STUM: variants seen among roughly 807,000 people sequenced by gnomAD.
STUM encodes protein stum homolog.
STUM carries 8 observed loss-of-function variants against 15.3 expected under a neutral mutation model. That is an observed-to-expected ratio of 0.52 (90% CI 0.31 to 0.94). The LOEUF (loss-of-function observed/expected upper bound fraction) is 0.94, where lower values mean the gene tolerates loss of function less well. Ranked by LOEUF, STUM falls within the 40% of genes least tolerant of loss-of-function variation. STUM has a pLI of 0.05. For missense variants in STUM, 142 were observed against 204.9 expected (o/e 0.69, Z 1.87); for synonymous variants, 78 against 88.7 (o/e 0.88, Z 0.68).
intron 1 of STUM, among the ~76,000 whole-genome samples, chr1:226,566,820 G>T (rs967547674): frequency 1.7e-4 from 26 of 152,128 alleles, no homozygotes; most frequent in Admixed American, 3.9e-4. Flanking sequence ...TTATAAGTGG[G>T]TTTTGTTAAT....
intron 1 of STUM, among the ~76,000 whole-genome samples, chr1:226,593,901 G>T (rs932288231): frequency 2.0e-5 from 3 of 152,204 alleles, no homozygotes; most frequent in Non-Finnish European, 4.4e-5. Flanking sequence ...TCTCAGGTGG[G>T]ACCCCGCATT....
In STUM at chr1:226,563,649, A is replaced by G. The variant is rs542304672; in HGVS notation, c.202+14543A>G. On this transcript the variant is annotated intron_variant, in intron 1 of 3. Transcript: ENST00000366788. ...GAGCAGATCCCAATGCTGCAGAGCTATTTTGGAGAAGTCTTCATTTTCTTC... is the reference window on the plus strand; with the variant it reads ...GAGCAGATCCCAATGCTGCAGAGCTGTTTTGGAGAAGTCTTCATTTTCTTC... 6.6e-5 allele frequency among the ~76,000 whole-genome samples: 10 copies of G among 152,344 alleles called. No homozygotes were observed. The South Asian group carries it at 2.1e-3, about 32-fold the overall frequency.
At position 226,549,200 on chromosome 1, in the gene STUM, G is replaced by A; in HGVS notation, c.202+94G>A. The A allele has an allele frequency of 1.1e-5, 13 of 1,136,012 alleles. No individual in the cohort carries two copies. The highest frequency in any genetic ancestry group is 1.6e-5 in the Non-Finnish European group (13 of 810,164). 70.4% of individuals were successfully genotyped at this position (1,136,012 alleles called of 1,614,324 possible). On this transcript the variant is annotated intron_variant, in intron 1 of 3. Coordinates refer to ENST00000366788, the MANE Select transcript of STUM (RefSeq NM_001003665.4). This position sits in a 1 kb window ranked among gnomAD's most constrained non-coding sequence, Gnocchi z 6.8. ...GCGCGGCCGGAGACCTCCTGGCGGGGCCGCGCGCTCCAAGTGCTGCGACCA... is the reference window on the plus strand; with the variant it reads ...GCGCGGCCGGAGACCTCCTGGCGGGACCGCGCGCTCCAAGTGCTGCGACCA...
At chr1:226,561,502 G>C (rs1044548903) in intron 1 of STUM, among the ~76,000 whole-genome samples, 4 of 152,138 alleles carry the variant, frequency 2.6e-5, no homozygotes, top group African/African-American at 9.7e-5. Context: ...CGACCACTCA[G>C]GGAGGAACTG....
At position 226,605,702 on chromosome 1, in the gene STUM, C is replaced by T. The variant is rs1668345311; in HGVS notation, c.*3662C>T. 1 of 152,164 alleles carries T rather than the reference C, an allele frequency of 6.6e-6. No individual in the cohort carries two copies. Among genetic ancestry groups the T allele is most frequent in the South Asian group, 2.1e-4 (1 of 4,834 alleles). 9.4% of individuals were successfully genotyped at this position (152,164 alleles called of 1,614,324 possible). On this transcript the variant is annotated 3_prime_UTR_variant, in exon 4 of 4. Transcript: ENST00000366788. This position sits in a 1 kb window ranked among gnomAD's most constrained non-coding sequence, Gnocchi z 4.0. Reference sequence around the variant, plus strand: ...CTGTCATCACTTAGGGGGAGTTGGGCAAAACCTCCTAGGAAGGTCCTGGAC... The same window carrying T: ...CTGTCATCACTTAGGGGGAGTTGGGTAAAACCTCCTAGGAAGGTCCTGGAC...
chr1:226,561,902 G>C (rs923852039), intron 1 of STUM, among the ~76,000 whole-genome samples: 5 of 151,686 alleles, frequency 3.3e-5, no homozygotes, highest in African/African-American at 1.2e-4. Context: ...CTGAAAAATT[G>C]CTAGGTGAAA....
intron 1 of STUM, among the ~76,000 whole-genome samples, chr1:226,591,512 A>G (rs543714462): frequency 1.3e-5 from 2 of 152,196 alleles, no homozygotes; most frequent in African/African-American, 4.8e-5. Flanking sequence ...TTTGCTAAGG[A>G]TCATTCAGTT....
At chr1:226,588,410 A>G (rs1000870918) in intron 1 of STUM, among the ~76,000 whole-genome samples, 1 of 152,242 alleles carries the variant, frequency 6.6e-6, no homozygotes, top group African/African-American at 2.4e-5. Flanking sequence ...ATATGAGCAC[A>G]GGATATCCCA....
chr1:226,584,453 A>G (rs1186543234), intron 1 of STUM, among the ~76,000 whole-genome samples: 2 of 152,238 alleles, frequency 1.3e-5, no homozygotes, highest in African/African-American at 2.4e-5. Context: ...ATATGGGCCC[A>G]TCTCTTGATG....
At chr1:226,582,485 C>T (rs889916414) in intron 1 of STUM, among the ~76,000 whole-genome samples, 1 of 151,900 alleles carries the variant, frequency 6.6e-6, no homozygotes, top group African/African-American at 2.4e-5. Flanking sequence ...ATCCCAGCTA[C>T]TGGGGAGGCT....
At chr1:226,577,241 G>A (rs1330758788) in intron 1 of STUM, among the ~76,000 whole-genome samples, 1 of 152,192 alleles carries the variant, frequency 6.6e-6, no homozygotes, top group East Asian at 1.9e-4. Context: ...GCCAGTGCAG[G>A]GAAGAGAGTG....
chr1:226,559,881 G>T (rs1667509855), intron 1 of STUM, among the ~76,000 whole-genome samples: 1 of 152,142 alleles, frequency 6.6e-6, no homozygotes, highest in Admixed American at 6.6e-5. Flanking sequence ...GCTGAGGCAG[G>T]AGAATGGCGT....
chr1:226,551,444 C>G (rs1667375006), intron 1 of STUM, among the ~76,000 whole-genome samples: 2 of 152,160 alleles, frequency 1.3e-5, no homozygotes, highest in South Asian at 4.1e-4. Flanking sequence ...CAGTGGAGTC[C>G]CAGGCAACAA....
At position 226,565,093 on chromosome 1, in the gene STUM, G is replaced by A. The variant is rs1667601036; in HGVS notation, c.202+15987G>A. Among the ~76,000 whole-genome samples the A allele has an allele frequency of 6.6e-6, 1 of 152,230 alleles. No homozygotes were observed. Among genetic ancestry groups the A allele is most frequent in the Non-Finnish European group, 1.5e-5 (1 of 68,050 alleles). On this transcript the variant is annotated intron_variant, in intron 1 of 3. Transcript: ENST00000366788. The surrounding 1 kb of genome is among the most constrained non-coding windows in gnomAD (Gnocchi z 4.4). ...AATGGGAGGCACTGGTAGGCATGGA[G>A]GAAAGGAGGGAGAGTTTGGGGTATT... is the stretch of plus-strand genomic sequence containing the variant.
rs910161428 is a variant in STUM at position 226,586,229 on chromosome 1, G to T, written c.203-10573G>T. On this transcript the variant is annotated intron_variant, in intron 1 of 3. Coordinates refer to ENST00000366788, the MANE Select transcript of STUM (RefSeq NM_001003665.4). ...GCCCAGTGTGTGTAGCCACAGCTCA[G>T]GGACCTGGGGACAGCTCTTCCCAGC... Among the ~76,000 whole-genome samples the T allele has an allele frequency of 7.2e-4, 110 of 152,166 alleles. 7 individuals carry two copies. The highest frequency in any genetic ancestry group is 4.4e-5 in the Non-Finnish European group (3 of 68,016).
intron 1 of STUM, among the ~76,000 whole-genome samples, chr1:226,579,631 T>TC (rs1667886648): frequency 1.4e-5 from 1 of 72,862 alleles, no homozygotes; most frequent in African/African-American, 6.8e-5. Flanking sequence ...CTTATTTCTT[T>TC]TTCTTTTTCT....
At position 226,606,240 on chromosome 1, in the gene STUM, C is replaced by T. The variant is rs1668355651; in HGVS notation, c.*4200C>T. On this transcript the variant is annotated 3_prime_UTR_variant, in exon 4 of 4. Transcript: ENST00000366788. ...TAGGGCCCTGGTCTTTCTGCACCAGCGTGGCTCTTTAAAATACAAAACACC... is the reference window on the plus strand; with the variant it reads ...TAGGGCCCTGGTCTTTCTGCACCAGTGTGGCTCTTTAAAATACAAAACACC... 6.6e-6 allele frequency: 1 copy of T among 152,226 alleles called. No homozygotes were observed. Among genetic ancestry groups the T allele is most frequent in the South Asian group, 2.1e-4 (1 of 4,830 alleles). The allele number at this position is 152,226 out of a possible 1,614,324, so 9.4% of individuals were successfully genotyped here.
chr1:226,609,012 A>G lies in STUM; in HGVS notation c.*6972A>G, dbSNP rs1327872467. 1 of 152,250 alleles carries G rather than the reference A, an allele frequency of 6.6e-6. No homozygotes were observed. Among genetic ancestry groups the G allele is most frequent in the Non-Finnish European group, 1.5e-5 (1 of 68,050 alleles). 9.4% of individuals were successfully genotyped at this position (152,250 alleles called of 1,614,324 possible). ...TACTGTACATGCAATGAAAAATACT[A>G]TATATGACAGTCAAAACCTGTGTAC... is the stretch of plus-strand genomic sequence containing the variant. On this transcript the variant is annotated 3_prime_UTR_variant, in exon 4 of 4. Transcript: ENST00000366788.
In STUM at chr1:226,606,674, C is replaced by T. The variant is rs1287827194; in HGVS notation, c.*4634C>T. On this transcript the variant is annotated 3_prime_UTR_variant, in exon 4 of 4. Transcript: ENST00000366788. Reference sequence around the variant, plus strand: ...CCCCTGCACCCGAGCGGCACCTAAGCTTCCCAGAGACCATGACCTTGTATG... The same window carrying T: ...CCCCTGCACCCGAGCGGCACCTAAGTTTCCCAGAGACCATGACCTTGTATG... The T allele has an allele frequency of 6.6e-6, 1 of 152,252 alleles. No homozygotes were observed. Among genetic ancestry groups the T allele is most frequent in the Non-Finnish European group, 1.5e-5 (1 of 68,084 alleles). 9.4% of individuals were successfully genotyped at this position (152,252 alleles called of 1,614,324 possible).
Sources: allele counts gnomAD v4.1 joint callset (sites outside exome capture counted in the v4.1 genomes callset), GRCh38; gene constraint gnomAD v4.1.1; non-coding constraint Gnocchi (gnomAD v3.1); transcripts MANE v1.5; gene names NCBI Gene and HGNC (gene_info 2026-07-23, HGNC 2026-07-21).